The following PSMD9 variants were observed in gnomAD, a reference collection of about 807,000 sequenced individuals.
The protein encoded by PSMD9 is 26S proteasome non-ATPase regulatory subunit 9.
In PSMD9, 26 loss-of-function variants were observed where a neutral mutation model predicts 25.9. The ratio of observed to expected loss-of-function variants is 1.00; its 90% CI spans 0.73 to 1.39. PSMD9 has a LOEUF of 1.39. PSMD9 is among the 40% of genes most tolerant of loss of function. The pLI is 0.00. For synonymous variants in PSMD9, 110 were observed against 114.5 expected (o/e 0.96, Z 0.25); for missense variants, 303 against 299.3 (o/e 1.01, Z -0.09).
chr12:121,913,239 T>C lies in PSMD9; in HGVS notation c.556-2617T>C, dbSNP rs191293237. 2.3e-3 allele frequency among the ~76,000 whole-genome samples: 333 copies of C among 147,738 alleles called. 3 individuals carry two copies. In the East Asian group the frequency reaches 0.03, roughly 13 times the overall value. On this transcript the variant is annotated intron_variant, in intron 4 of 5. Coordinates refer to ENST00000541212, the MANE Select transcript of PSMD9 (RefSeq NM_002813.7). Reference sequence around the variant, plus strand: ...GATTACAGGCGTGAGCCACCGCGCCTGGCCTTTTTTTTTGTATTTTTAGTA... The same window carrying C: ...GATTACAGGCGTGAGCCACCGCGCCCGGCCTTTTTTTTTGTATTTTTAGTA...
chr12:121,915,862 C>T lies in PSMD9; in HGVS notation c.562C>T (p.Leu188=). ...SVVQHSEGKP[L]NVTVIRRGEK... is the part of the protein sequence containing the mutation. Reference sequence around the variant, plus strand: ...GAGCTTATTTTCTTTTCAGAAGCCCCTGAATGTGACAGTGATCCGCAGGGG... The same window carrying T: ...GAGCTTATTTTCTTTTCAGAAGCCCTTGAATGTGACAGTGATCCGCAGGGG... The change falls in exon 5 of 6, where the codon CTG becomes TTG. Residue 188 remains leucine (L), a synonymous_variant. Transcript: ENST00000541212. The T allele has an allele frequency of 6.2e-7, 1 of 1,613,126 alleles. No homozygotes were observed.
intron 4 of PSMD9, among the ~76,000 whole-genome samples, chr12:121,904,134 G>A (rs1257881092): frequency 6.6e-6 from 1 of 152,044 alleles, no homozygotes; most frequent in East Asian, 1.9e-4. Context: ...CTAGTGGTCA[G>A]GCCATCGTTT....
intron 4 of PSMD9, among the ~76,000 whole-genome samples, chr12:121,911,757 A>C (rs915969418): frequency 2.0e-5 from 3 of 147,704 alleles, no homozygotes. Flanking sequence ...CAGGTTAGTG[A>C]TTCTCCTGTC....
At chr12:121,897,832 G>A (rs1879279624) in intron 2 of PSMD9, 2 of 152,154 alleles carry the variant, frequency 1.3e-5, no homozygotes, top group Non-Finnish European at 2.9e-5. Flanking sequence ...CCAGCTAACA[G>A]CTTATGTTAA....
chr12:121,898,741 A>G, intron 2 of PSMD9: 1 of 154,584 alleles, frequency 6.5e-6, no homozygotes, highest in Non-Finnish European at 1.4e-5. Flanking sequence ...TTTGTTTTTG[A>G]GACGGAGTCT....
intron 1 of PSMD9, among the ~76,000 whole-genome samples, chr12:121,892,682 CAG>C (rs1410721253): frequency 6.6e-6 from 1 of 151,654 alleles, no homozygotes; most frequent in African/African-American, 2.4e-5. Flanking sequence ...GCCTGGGCAA[CAG>C]AGCGAGACTC....
At chr12:121,901,671 T>C (rs1374570095) in intron 3 of PSMD9, among the ~76,000 whole-genome samples, 10 of 40,058 alleles carry the variant, frequency 2.5e-4, no homozygotes, top group African/African-American at 6.8e-4. Context: ...TCCTTCTTTT[T>C]TTTTTTTTTT....
chr12:121,909,932 A>G (rs1377383968), intron 4 of PSMD9, among the ~76,000 whole-genome samples: 2 of 152,136 alleles, frequency 1.3e-5, no homozygotes, highest in Admixed American at 6.6e-5. Flanking sequence ...TTTACCCTTC[A>G]TAGATCTTGT....
At position 121,916,457 on chromosome 12, in the gene PSMD9, C is replaced by G. The variant is rs990271696; in HGVS notation, c.*146C>G. ...CTTCTGTGTGGTGGCAGTACTGTGG[C>G]CCACCAGTGTAATCTCCCTGGATTA... On this transcript the variant is annotated 3_prime_UTR_variant, in exon 6 of 6. Transcript: ENST00000541212. 2.0e-6 allele frequency: 2 copies of G among 995,158 alleles called. No individual in the cohort carries two copies. Among genetic ancestry groups the G allele is most frequent in the African/African-American group, 1.6e-5 (1 of 62,192 alleles). 61.6% of individuals were successfully genotyped at this position (995,158 alleles called of 1,614,324 possible).
Position 121,903,122 on chromosome 12 carries a change from C to G in PSMD9, c.555+15C>G. The G allele has an allele frequency of 6.2e-7, 1 of 1,604,646 alleles. No homozygotes were observed. Among genetic ancestry groups the G allele is most frequent in the Non-Finnish European group, 8.5e-7 (1 of 1,171,830 alleles). On this transcript the variant is annotated intron_variant, in intron 4 of 5. Transcript: ENST00000541212. ...ACAGTGAGGGGGTGAGTGGGGCTACCTGGTGTCTCGGTCTGTTTGGGTTTT... is the reference window on the plus strand; with the variant it reads ...ACAGTGAGGGGGTGAGTGGGGCTACGTGGTGTCTCGGTCTGTTTGGGTTTT...
In PSMD9 at chr12:121,891,270, T is replaced by C. The variant is rs757454621; in HGVS notation, c.138+2276T>C. ...ATAATTGCACCACTGCACTCTCTTG[T>C]GGGTGACAGAGTGAGATGCTGTCTC... On this transcript the variant is annotated intron_variant, in intron 1 of 5. Coordinates refer to ENST00000541212, the MANE Select transcript of PSMD9 (RefSeq NM_002813.7). Among the ~76,000 whole-genome samples the C allele has an allele frequency of 3.7e-5, 5 of 135,470 alleles. No individual in the cohort carries two copies. In the East Asian group the frequency reaches 1.2e-3, roughly 31 times the overall value. 88.9% of individuals were successfully genotyped at this position (135,470 alleles called of 152,430 possible). A position where few individuals can be genotyped will look rare whatever the true frequency, so the allele number is the denominator to read the frequency against.
intron 4 of PSMD9, chr12:121,915,644 C>T (rs908105228): frequency 7.6e-6 from 4 of 528,282 alleles, no homozygotes; most frequent in African/African-American, 3.8e-5. Context: ...TGGTGGGACA[C>T]GTGTTTTTTG....
At chr12:121,890,707 A>G (rs1879045571) in intron 1 of PSMD9, among the ~76,000 whole-genome samples, 1 of 152,078 alleles carries the variant, frequency 6.6e-6, no homozygotes. Context: ...CCTGGGCTCA[A>G]GCAGTCCTCC....
intron 5 of PSMD9, 125 bp downstream of exon 5, chr12:121,916,069 T>C: frequency 5.8e-6 from 7 of 1,213,216 alleles, no homozygotes; most frequent in Non-Finnish European, 8.3e-6. Flanking sequence ...GCATGGAAAC[T>C]GCAGATAAAT....
At position 121,903,919 on chromosome 12, in the gene PSMD9, C is replaced by G. The variant is rs565136092; in HGVS notation, c.555+812C>G. Among the ~76,000 whole-genome samples, 170 of 152,046 alleles carry G rather than the reference C, an allele frequency of 1.1e-3. 1 individual carries two copies. Among genetic ancestry groups the G allele is most frequent in the African/African-American group, 4.0e-3 (166 of 41,476 alleles). On this transcript the variant is annotated intron_variant, in intron 4 of 5. Transcript: ENST00000541212. ...TTTGTTGTTGTTTTGTAGCAAAGATCCACACTTTTCAGGAGTGATACTGTG... is the reference window on the plus strand; with the variant it reads ...TTTGTTGTTGTTTTGTAGCAAAGATGCACACTTTTCAGGAGTGATACTGTG...
In PSMD9 at chr12:121,888,842, G is replaced by T. The variant is rs754887921; in HGVS notation, c.-15G>T. 4 of 1,597,952 alleles carry T rather than the reference G, an allele frequency of 2.5e-6. No homozygotes were observed. The highest frequency in any genetic ancestry group is 1.7e-5 in the Admixed American group (1 of 57,868). The stretch of plus-strand genomic sequence containing the variant: ...CCGGGAGCCGGGTCTCTGGAGTCGC[G>T]GCCCGGGGTTCACGATGTCCGACGA... On this transcript the variant is annotated 5_prime_UTR_variant, in exon 1 of 6. Transcript: ENST00000541212.
chr12:121,911,152 A>G (rs2688412), intron 4 of PSMD9: 307,658 of 355,664 alleles, frequency 0.87, 133,731 homozygotes, highest in African/African-American at 0.96. Context: ...CCATTCTTCT[A>G]TCTCAGCCTC....
At position 121,901,663 on chromosome 12, in the gene PSMD9, C is replaced by CTTTT. The variant is rs1376133221; in HGVS notation, c.454-1341_454-1340insTTTT. Among the ~76,000 whole-genome samples the CTTTT allele has an allele frequency of 1.8e-4, 21 of 113,822 alleles. 1 individual carries two copies. The highest frequency in any genetic ancestry group is 8.7e-4 in the African/African-American group (20 of 22,980). The allele number at this position is 113,822 out of a possible 152,430, so 74.7% of individuals were successfully genotyped here. A position where few individuals can be genotyped will look rare whatever the true frequency, so the allele number is the denominator to read the frequency against. ...AGCTGTCATGCCTGGCCCTTCATTC[C>CTTTT]TTCTTTTTTTTTTTTTTTTTTTTTT... On this transcript the variant is annotated intron_variant, in intron 3 of 5. Coordinates refer to ENST00000541212, the MANE Select transcript of PSMD9 (RefSeq NM_002813.7).
chr12:121,908,930 GT>G (rs1190984633), intron 4 of PSMD9, among the ~76,000 whole-genome samples: 1 of 152,132 alleles, frequency 6.6e-6, no homozygotes, highest in Non-Finnish European at 1.5e-5. Context: ...GCCAGGAGGT[GT>G]TAAGGTCAGG....
Sources: allele counts gnomAD v4.1 joint callset (sites outside exome capture counted in the v4.1 genomes callset), GRCh38; gene constraint gnomAD v4.1.1; transcripts MANE v1.5; gene names NCBI Gene and HGNC (gene_info 2026-07-23, HGNC 2026-07-21).